KCNK2: variants seen among roughly 807,000 people sequenced by gnomAD.
The protein encoded by KCNK2 is potassium channel subfamily K member 2.
In KCNK2, 21 loss-of-function variants were observed where a neutral mutation model predicts 40.5. The ratio of observed to expected loss-of-function variants is 0.52; its 90% CI spans 0.37 to 0.75. The LOEUF is 0.75. KCNK2 is among the 30% of genes least tolerant of loss of function. The pLI, the probability that KCNK2 is intolerant of heterozygous loss-of-function variation, is 0.00. For synonymous variants in KCNK2, 191 were observed against 202.2 expected, an observed-to-expected ratio of 0.94 and a Z score of 0.47; for missense variants, 399 against 531.6, an observed-to-expected ratio of 0.75 and a Z score of 2.45.
chr1:215,108,413 T>G (rs1387493485), intron 2 of KCNK2, among the ~76,000 whole-genome samples: 1 of 152,180 alleles, frequency 6.6e-6, no homozygotes, highest in Non-Finnish European at 1.5e-5. Flanking sequence ...TCATAGATAC[T>G]GAGAGACAAT....
rs142781421 is a variant in KCNK2, at chr1:215,224,818, A to T, written c.964-10010A>T. ...TGGAAATATAGACTCAAATAATCTCAATCATTTTAAAATTTATACCATTGA... is the reference window on the plus strand; with the variant it reads ...TGGAAATATAGACTCAAATAATCTCTATCATTTTAAAATTTATACCATTGA... On this transcript the variant is annotated intron_variant, in intron 6 of 6. Transcript: ENST00000444842. Among the ~76,000 whole-genome samples the T allele has an allele frequency of 4.3e-4, 65 of 152,254 alleles. No individual in the cohort carries two copies. In the East Asian group the frequency reaches 0.012, roughly 29 times the overall value.
chr1:215,035,615 T>C (rs893189507), intron 1 of KCNK2, among the ~76,000 whole-genome samples: 17 of 152,052 alleles, frequency 1.1e-4, no homozygotes, highest in African/African-American at 3.6e-4. Flanking sequence ...TGTATAGATA[T>C]ACCATAGTTT....
intron 3 of KCNK2, among the ~76,000 whole-genome samples, chr1:215,155,580 C>T (rs1221315309): frequency 6.6e-6 from 1 of 152,030 alleles, no homozygotes; most frequent in Non-Finnish European, 1.5e-5. Flanking sequence ...AGTGCAGTGG[C>T]GCGATCTCGG....
At chr1:215,099,164 C>T (rs1453933172) in intron 2 of KCNK2, among the ~76,000 whole-genome samples, 29 of 151,886 alleles carry the variant, frequency 1.9e-4, no homozygotes, top group Admixed American at 1.8e-3. Context: ...TATCCCTCAG[C>T]CCATCTTCCA....
intron 3 of KCNK2, among the ~76,000 whole-genome samples, chr1:215,153,050 C>T: frequency 6.6e-6 from 1 of 152,082 alleles, no homozygotes; most frequent in East Asian, 1.9e-4. Flanking sequence ...TAAACTGCAC[C>T]CAACAAGTCT....
At chr1:215,175,278 C>T (rs1179504595) in intron 5 of KCNK2, among the ~76,000 whole-genome samples, 2 of 151,996 alleles carry the variant, frequency 1.3e-5, no homozygotes, top group Admixed American at 1.3e-4. Flanking sequence ...TCTTGGAGGA[C>T]ACAATTCAGC....
intron 1 of KCNK2, among the ~76,000 whole-genome samples, chr1:215,069,414 A>T (rs1658671712): frequency 6.6e-6 from 1 of 152,096 alleles, no homozygotes; most frequent in African/African-American, 2.4e-5. Flanking sequence ...CTGAATTGCA[A>T]TTGCTCATTT....
At chr1:215,204,436 G>C (rs1665222504) in intron 6 of KCNK2, among the ~76,000 whole-genome samples, 1 of 151,638 alleles carries the variant, frequency 6.6e-6, no homozygotes, top group African/African-American at 2.4e-5. Context: ...CTGTCTCAAA[G>C]CTCTTTATAA....
chr1:215,148,246 A>G (rs1662523275), intron 3 of KCNK2, among the ~76,000 whole-genome samples: 1 of 145,664 alleles, frequency 6.9e-6, no homozygotes, highest in African/African-American at 2.5e-5. Context: ...CACCTGGCTA[A>G]TTTTTTTTTT....
chr1:215,009,882 T>C (rs971532548), intron 1 of KCNK2, among the ~76,000 whole-genome samples: 1 of 152,184 alleles, frequency 6.6e-6, no homozygotes, highest in African/African-American at 2.4e-5. Context: ...AAGTTATTCA[T>C]ATTTATTCAC....
intron 6 of KCNK2, among the ~76,000 whole-genome samples, chr1:215,222,038 G>A (rs1666199055): frequency 6.6e-6 from 1 of 152,154 alleles, no homozygotes; most frequent in Admixed American, 6.5e-5. Flanking sequence ...AAAAGCAGGA[G>A]CAAGAGAGAG....
intron 1 of KCNK2, among the ~76,000 whole-genome samples, chr1:215,007,185 G>GATATATATATATATA (rs1656202133): frequency 6.4e-5 from 2 of 31,028 alleles, no homozygotes; most frequent in African/African-American, 2.5e-4. Context: ...ATGTGTGTGG[G>GATATATATATATATA]TATATATATA....
chr1:215,200,837 A>G lies in KCNK2; in HGVS notation c.963+5745A>G, dbSNP rs114173445. Among the ~76,000 whole-genome samples the G allele has an allele frequency of 1.5e-3, 236 of 152,350 alleles. 1 individual carries two copies. Among genetic ancestry groups the G allele is most frequent in the Middle Eastern group, 0.01 (3 of 294 alleles). ...TAATTCTAACTTTGGGTGGGATTAC[A>G]GAATGCTGGAAAATGAGAGATTTTG... On this transcript the variant is annotated intron_variant, in intron 6 of 6. Coordinates refer to ENST00000444842, the MANE Select transcript of KCNK2 (RefSeq NM_001017425.3).
intron 3 of KCNK2, among the ~76,000 whole-genome samples, chr1:215,139,438 A>G (rs962090488): frequency 6.6e-6 from 1 of 152,218 alleles, no homozygotes; most frequent in Non-Finnish European, 1.5e-5. Context: ...TCATAATTTC[A>G]TGAATCCCAT....
At chr1:215,207,736 C>T (rs1414129297) in intron 6 of KCNK2, among the ~76,000 whole-genome samples, 1 of 152,084 alleles carries the variant, frequency 6.6e-6, no homozygotes, top group Non-Finnish European at 1.5e-5. Context: ...GGTTTTTCAC[C>T]TTTAATTAAA....
At chr1:215,218,066 A>T (rs984882893) in intron 6 of KCNK2, among the ~76,000 whole-genome samples, 2 of 152,344 alleles carry the variant, frequency 1.3e-5, no homozygotes, top group South Asian at 4.1e-4. Context: ...AGGGGAATAG[A>T]GGAGTGAAGG....
intron 6 of KCNK2, among the ~76,000 whole-genome samples, chr1:215,221,630 A>G (rs1011583663): frequency 4.6e-5 from 7 of 151,998 alleles, no homozygotes; most frequent in Admixed American, 4.6e-4. Context: ...TGTTAAGTAG[A>G]CTTAGTAGGA....
intron 6 of KCNK2, among the ~76,000 whole-genome samples, chr1:215,217,864 G>A (rs1416650): frequency 0.054 from 8,289 of 152,152 alleles, 692 homozygotes; most frequent in African/African-American, 0.19. Flanking sequence ...GTTCTGTTGG[G>A]CAGCCATTAT....
At chr1:215,135,748 T>A (rs1661877479) in intron 3 of KCNK2, among the ~76,000 whole-genome samples, 1 of 152,246 alleles carries the variant, frequency 6.6e-6, no homozygotes, top group East Asian at 1.9e-4. Context: ...TATTTATTTA[T>A]TTTTGAGATG....
Sources: gnomAD v4.1 joint callset for allele counts (sites outside exome capture counted in the v4.1 genomes callset) on GRCh38, gnomAD v4.1.1 for gene constraint, MANE v1.5 for transcripts, NCBI Gene and HGNC (gene_info 2026-07-23, HGNC 2026-07-21) for gene names.